The following CD58 variants were observed in gnomAD, a reference collection of about 807,000 sequenced individuals.
The protein encoded by CD58 is lymphocyte function-associated antigen 3.
A neutral mutation model predicts 27.6 loss-of-function variants in CD58; 14 were observed. That is an observed-to-expected ratio of 0.51 (90% CI 0.34 to 0.79). The LOEUF is 0.79. CD58 is among the 30% of genes least tolerant of loss of function. The probability of loss-of-function intolerance (pLI) is 0.02; values close to 1 mark genes in which losing one functional copy is unlikely to be tolerated. For synonymous variants in CD58, 117 were observed against 103.8 expected (o/e 1.13, Z -0.77); for missense variants, 268 against 301.7 (o/e 0.89, Z 0.83).
At chr1:116,553,603 A>G (rs1295428061) in intron 1 of CD58, among the ~76,000 whole-genome samples, 1 of 152,176 alleles carries the variant, frequency 6.6e-6, no homozygotes, top group Admixed American at 6.5e-5. Flanking sequence ...CAGGAAGACT[A>G]AGACTGGCCT....
intron 5 of CD58, among the ~76,000 whole-genome samples, chr1:116,518,194 C>T (rs891432667): frequency 1.3e-5 from 2 of 152,064 alleles, no homozygotes; most frequent in Non-Finnish European, 2.9e-5. Flanking sequence ...ATGGAGCTGG[C>T]ATTTGAACCA....
Position 116,536,277 on chromosome 1 carries a change from C to T in CD58, c.365-49G>A, listed in dbSNP as rs1557836595. 1 of 1,425,830 alleles carries T rather than the reference C, an allele frequency of 7.0e-7. No individual in the cohort carries two copies. The highest frequency in any genetic ancestry group is 1.4e-5 in the African/African-American group (1 of 69,642). 88.3% of individuals were successfully genotyped at this position (1,425,830 alleles called of 1,614,324 possible). ...AGTACAGAAAATAGTAATATTTAGA[C>T]TTATCATCTGCAAATTTATGAAGAG... is the stretch of plus-strand genomic sequence containing the variant. On this transcript the variant is annotated intron_variant, in intron 2 of 5. Transcript: ENST00000369489. The surrounding 1 kb of genome is among the most constrained non-coding windows in gnomAD (Gnocchi z 5.4).
chr1:116,548,896 C>A (rs367831677), intron 1 of CD58, among the ~76,000 whole-genome samples: 14 of 152,320 alleles, frequency 9.2e-5, no homozygotes, highest in African/African-American at 3.4e-4. Context: ...TTATCCCTCT[C>A]CATGTCTACC....
rs973812992 is a variant in CD58 at position 116,541,769 on chromosome 1, G to A, written c.364+2542C>T. Among the ~76,000 whole-genome samples the A allele has an allele frequency of 1.3e-5, 2 of 152,134 alleles. No homozygotes were observed. Among genetic ancestry groups the A allele is most frequent in the South Asian group, 2.1e-4 (1 of 4,826 alleles). Reference sequence around the variant, plus strand: ...AGTCAGGTATACACATAAGGAGCTCGGCGGGGTACTCTGGGCTAGAGCTCT... The same window carrying A: ...AGTCAGGTATACACATAAGGAGCTCAGCGGGGTACTCTGGGCTAGAGCTCT... On this transcript the variant is annotated intron_variant, in intron 2 of 5. Coordinates refer to ENST00000369489, the MANE Select transcript of CD58 (RefSeq NM_001779.3). This position sits in a 1 kb window ranked among gnomAD's most constrained non-coding sequence, Gnocchi z 5.3.
chr1:116,529,169 C>T (rs1363230980), intron 3 of CD58, among the ~76,000 whole-genome samples: 2 of 152,188 alleles, frequency 1.3e-5, no homozygotes, highest in Non-Finnish European at 2.9e-5. Context: ...TCTCTTCTAT[C>T]CAGAATTTTC....
At chr1:116,520,931 G>A (rs994782524) in intron 4 of CD58, among the ~76,000 whole-genome samples, 2 of 152,126 alleles carry the variant, frequency 1.3e-5, no homozygotes, top group Non-Finnish European at 2.9e-5. Flanking sequence ...GTCTAGTTCT[G>A]CACTGACCAA....
intron 1 of CD58, among the ~76,000 whole-genome samples, chr1:116,554,275 G>A (rs1201803723): frequency 1.3e-5 from 2 of 152,022 alleles, no homozygotes; most frequent in Non-Finnish European, 2.9e-5. Context: ...TTACTATGTG[G>A]TTATTTTAAA....
intron 1 of CD58, among the ~76,000 whole-genome samples, chr1:116,556,123 C>T (rs1330343831): frequency 6.6e-6 from 1 of 152,020 alleles, no homozygotes; most frequent in Admixed American, 6.6e-5. Flanking sequence ...GGCGTGGTGG[C>T]ACTCGCCTGT....
At chr1:116,542,708 G>C (rs547341452) in intron 2 of CD58, among the ~76,000 whole-genome samples, 1 of 152,152 alleles carries the variant, frequency 6.6e-6, no homozygotes, top group African/African-American at 2.4e-5. Flanking sequence ...TGATATTCCC[G>C]AGGACGGCAA....
chr1:116,555,183 A>G (rs1278943919), intron 1 of CD58, among the ~76,000 whole-genome samples: 1 of 152,096 alleles, frequency 6.6e-6, no homozygotes, highest in Non-Finnish European at 1.5e-5. Flanking sequence ...GAGTGCCCAG[A>G]TTTTGAAGCC....
intron 4 of CD58, among the ~76,000 whole-genome samples, chr1:116,520,422 T>G (rs1236883318): frequency 1.5e-5 from 2 of 135,792 alleles, no homozygotes; most frequent in South Asian, 4.4e-4. Flanking sequence ...CTCCAAATTG[T>G]TTTTTTTTTT....
intron 1 of CD58, among the ~76,000 whole-genome samples, chr1:116,545,567 A>G (rs1334229682): frequency 6.6e-6 from 1 of 152,156 alleles, no homozygotes; most frequent in Non-Finnish European, 1.5e-5. Context: ...TGGCTGACTG[A>G]GAGGCATCAT....
Position 116,538,693 on chromosome 1 carries a change from T to C in CD58, c.365-2465A>G, listed in dbSNP as rs1392934391. Among the ~76,000 whole-genome samples the C allele has an allele frequency of 4.6e-5, 7 of 152,216 alleles. No homozygotes were observed. Among genetic ancestry groups the C allele is most frequent in the Non-Finnish European group, 1.5e-5 (1 of 68,034 alleles). ...GTCTAGTCTTTCATCCAGCACTTTCTGAACTGAACAGAGGTGCATCATCAG... is the reference window on the plus strand; with the variant it reads ...GTCTAGTCTTTCATCCAGCACTTTCCGAACTGAACAGAGGTGCATCATCAG... On this transcript the variant is annotated intron_variant, in intron 2 of 5. Coordinates refer to ENST00000369489, the MANE Select transcript of CD58 (RefSeq NM_001779.3). This position sits in a 1 kb window ranked among gnomAD's most constrained non-coding sequence, Gnocchi z 4.7.
intron 3 of CD58, among the ~76,000 whole-genome samples, chr1:116,530,487 G>A (rs901838255): frequency 6.6e-6 from 1 of 152,118 alleles, no homozygotes; most frequent in Admixed American, 6.5e-5. Context: ...TTACAGGTGT[G>A]AGCCACCGCA....
At chr1:116,514,908 A>C in intron 5 of CD58, 86 bp from the exon 6 acceptor site, 1 of 892,322 alleles carries the variant, frequency 1.1e-6, no homozygotes, top group East Asian at 2.4e-5. Flanking sequence ...TCCTATTCTA[A>C]AGTGAATAGC....
intron 5 of CD58, 77 bp from the exon 6 acceptor site, chr1:116,514,899 C>T: frequency 9.8e-7 from 1 of 1,023,640 alleles, no homozygotes; most frequent in Non-Finnish European, 1.5e-6. Context: ...TAATTACCCT[C>T]CTATTCTAAA....
chr1:116,526,089 G>GA (rs1281531826), intron 3 of CD58, among the ~76,000 whole-genome samples: 2 of 152,040 alleles, frequency 1.3e-5, no homozygotes, highest in African/African-American at 2.4e-5. Context: ...GTATATTTTG[G>GA]ATAACAGTCT....
chr1:116,524,371 G>A lies in CD58; in HGVS notation c.629-2388C>T, dbSNP rs756088598. 1.8e-4 allele frequency among the ~76,000 whole-genome samples: 28 copies of A among 152,294 alleles called. No homozygotes were observed. The highest frequency in any genetic ancestry group is 3.4e-3 in the Middle Eastern group (1 of 294). ...TCTGGGTCCAAGAACCAAGAAGCAT[G>A]CAAATTGCTACAGGACTGGCTCTTG... On this transcript the variant is annotated intron_variant, in intron 3 of 5. Transcript: ENST00000369489. This position sits in a 1 kb window ranked among gnomAD's most constrained non-coding sequence, Gnocchi z 4.6.
intron 3 of CD58, chr1:116,533,417 G>C (rs1657682039): frequency 1.2e-6 from 1 of 801,850 alleles, no homozygotes; most frequent in Non-Finnish European, 2.2e-6. Context: ...TCATCTTGCA[G>C]GTTTTTGTCA....
Sources: gnomAD v4.1 joint callset for allele counts (sites outside exome capture counted in the v4.1 genomes callset) on GRCh38, gnomAD v4.1.1 for gene constraint, Gnocchi (gnomAD v3.1) non-coding constraint, MANE v1.5 for transcripts, NCBI Gene and HGNC (gene_info 2026-07-23, HGNC 2026-07-21) for gene names.